CTNNA2: variants seen among roughly 807,000 people sequenced by gnomAD.
CTNNA2 encodes catenin alpha-2.
A neutral mutation model predicts 101.0 loss-of-function variants in CTNNA2; 42 were observed. That is an observed-to-expected ratio of 0.42 (90% CI 0.32 to 0.54). CTNNA2 has a LOEUF of 0.54. CTNNA2 is among the 20% of genes least tolerant of loss of function. The pLI, the probability that CTNNA2 is intolerant of heterozygous loss-of-function variation, is 0.14. For missense variants in CTNNA2, 871 were observed against 1,223.1 expected (o/e 0.71, Z 4.29); for synonymous variants, 450 against 456.4 (o/e 0.99, Z 0.18).
In CTNNA2 at chr2:79,416,265, T is replaced by C. The variant is rs865934883; in HGVS notation, c.-135+42252T>C. Among the ~76,000 whole-genome samples, 385 of 137,444 alleles carry C rather than the reference T, an allele frequency of 2.8e-3. 4 individuals are homozygous for C. Among genetic ancestry groups the C allele is most frequent in the African/African-American group, 8.9e-3 (299 of 33,758 alleles). The allele number at this position is 137,444 out of a possible 152,430, so 90.2% of individuals were successfully genotyped here. On this transcript the variant is annotated intron_variant, in intron 4 of 21. Transcript: ENST00000466387. ...TCTTCTTCTTTCCTTTTCTTTTTTT[T>C]TTTTTTTTTTTTTTTTGGCCAATAA...
chr2:80,461,546 T>G (rs1684426251), intron 9 of CTNNA2, among the ~76,000 whole-genome samples: 1 of 152,208 alleles, frequency 6.6e-6, no homozygotes, highest in African/African-American at 2.4e-5. Flanking sequence ...ATGCCTTAAC[T>G]AGTGTCATTG....
intron 18 of CTNNA2, among the ~76,000 whole-genome samples, chr2:80,639,598 C>T (rs1022366934): frequency 6.6e-5 from 10 of 151,602 alleles, no homozygotes; most frequent in Non-Finnish European, 1.3e-4. Context: ...CCTCTAACAC[C>T]ATCCTTCCTT....
At chr2:80,330,402 C>T (rs564997999) in intron 7 of CTNNA2, among the ~76,000 whole-genome samples, 1 of 152,128 alleles carries the variant, frequency 6.6e-6, no homozygotes, top group Non-Finnish European at 1.5e-5. Flanking sequence ...AGAGATTAAG[C>T]CCTGAGGAGG....
chr2:80,599,438 G>T (rs867268527), intron 15 of CTNNA2, among the ~76,000 whole-genome samples: 19 of 152,264 alleles, frequency 1.2e-4, no homozygotes, highest in Middle Eastern at 3.4e-3. Context: ...TAAAGATATG[G>T]TTATTATTCC....
At chr2:80,118,451 CT>C (rs1389377331) in intron 7 of CTNNA2, among the ~76,000 whole-genome samples, 1 of 152,198 alleles carries the variant, frequency 6.6e-6, no homozygotes, top group African/African-American at 2.4e-5. Flanking sequence ...TGTATTTATG[CT>C]TCCTTAACTT....
chr2:80,066,600 G>A (rs1168652841), intron 7 of CTNNA2, among the ~76,000 whole-genome samples: 1 of 152,094 alleles, frequency 6.6e-6, no homozygotes, highest in Non-Finnish European at 1.5e-5. Flanking sequence ...GTGTTGATGA[G>A]GATTTGGAGA....
At chr2:80,035,061 A>G (rs746051899) in intron 7 of CTNNA2, among the ~76,000 whole-genome samples, 3 of 152,222 alleles carry the variant, frequency 2.0e-5, no homozygotes, top group Non-Finnish European at 4.4e-5. Flanking sequence ...TAAATGAAGT[A>G]TGGTCCATCC....
At position 79,961,540 on chromosome 2, in the gene CTNNA2, C is replaced by T. The variant is rs142013822; in HGVS notation, c.1056+51743C>T. 4.6e-3 allele frequency among the ~76,000 whole-genome samples: 704 copies of T among 152,230 alleles called. 3 individuals are homozygous for T. The highest frequency in any genetic ancestry group is 7.7e-3 in the Non-Finnish European group (527 of 68,012). On this transcript the variant is annotated intron_variant, in intron 7 of 18. Coordinates refer to ENST00000402739, the MANE Select transcript of CTNNA2 (RefSeq NM_001282597.3). ...GGCGAGGTCTACCTTAAAGCTGGCCCGGCCTGGCGTGGTGGCTCACGCCTG... is the reference window on the plus strand; with the variant it reads ...GGCGAGGTCTACCTTAAAGCTGGCCTGGCCTGGCGTGGTGGCTCACGCCTG...
intron 2 of CTNNA2, among the ~76,000 whole-genome samples, chr2:79,728,821 A>G (rs1317227605): frequency 6.6e-6 from 1 of 152,206 alleles, no homozygotes; most frequent in Non-Finnish European, 1.5e-5. Flanking sequence ...AGCACCATAT[A>G]TTAAATAGGG....
chr2:79,842,604 C>T (rs1391855706), intron 3 of CTNNA2, among the ~76,000 whole-genome samples: 1 of 152,166 alleles, frequency 6.6e-6, no homozygotes, highest in Non-Finnish European at 1.5e-5. Flanking sequence ...TTACTAAGAT[C>T]ACCGACTTTC....
intron 7 of CTNNA2, among the ~76,000 whole-genome samples, chr2:80,097,246 T>C (rs1022019937): frequency 6.6e-6 from 1 of 152,212 alleles, no homozygotes; most frequent in Non-Finnish European, 1.5e-5. Context: ...TGAAGTATTT[T>C]ATTTCTCCTT....
rs185995456 is a variant in CTNNA2 at position 80,433,533 on chromosome 2, A to G, written c.1290+13932A>G. 1.1e-3 allele frequency among the ~76,000 whole-genome samples: 169 copies of G among 152,202 alleles called. No homozygotes were observed. The Middle Eastern group carries it at 0.02, about 18-fold the overall frequency. ...TCGCCGCAGGGTCAAAAGTTCAGAC[A>G]AGCAGAACAAGGAAGACTGGAGAGT... On this transcript the variant is annotated intron_variant, in intron 9 of 18. Transcript: ENST00000402739.
chr2:80,104,832 A>G lies in CTNNA2; in HGVS notation c.1056+195035A>G, dbSNP rs573758204. Among the ~76,000 whole-genome samples, 11 of 152,340 alleles carry G rather than the reference A, an allele frequency of 7.2e-5. No homozygotes were observed. In the South Asian group the frequency reaches 2.3e-3, roughly 32 times the overall value. On this transcript the variant is annotated intron_variant, in intron 7 of 18. Coordinates refer to ENST00000402739, the MANE Select transcript of CTNNA2 (RefSeq NM_001282597.3). The stretch of plus-strand genomic sequence containing the variant: ...TGTTTTTAAACCCTTGGGTAGCTAT[A>G]GTCAATTTTTAAACATGTTTCCTCA...
At chr2:79,474,956 G>A (rs746100410) in intron 4 of CTNNA2, among the ~76,000 whole-genome samples, 1 of 152,066 alleles carries the variant, frequency 6.6e-6, no homozygotes, top group Non-Finnish European at 1.5e-5. Context: ...AGCTCTCCAT[G>A]AAGAGTGAGA....
At chr2:79,802,695 T>G (rs534584039) in intron 3 of CTNNA2, among the ~76,000 whole-genome samples, 114 of 152,256 alleles carry the variant, frequency 7.5e-4, no homozygotes, top group Non-Finnish European at 1.3e-3. Flanking sequence ...AAGATTAATA[T>G]TATACATTTG....
intron 7 of CTNNA2, among the ~76,000 whole-genome samples, chr2:79,965,610 G>A (rs999822574): frequency 6.6e-5 from 10 of 151,930 alleles, no homozygotes; most frequent in Non-Finnish European, 1.2e-4. Flanking sequence ...GATCACTTGA[G>A]GTCAGGAGTT....
intron 16 of CTNNA2, chr2:80,605,569 CTA>C (rs1697929757): frequency 6.6e-6 from 1 of 151,728 alleles, no homozygotes; most frequent in Admixed American, 6.6e-5. Flanking sequence ...TCCCTCATTC[CTA>C]TATATAAGGG....
intron 9 of CTNNA2, among the ~76,000 whole-genome samples, chr2:80,438,577 A>G (rs1011271631): frequency 2.6e-5 from 4 of 152,132 alleles, no homozygotes; most frequent in African/African-American, 7.2e-5. Context: ...ATCACTAATT[A>G]TTTTGTTTCT....
chr2:79,745,941 T>C (rs1449127296), intron 3 of CTNNA2, among the ~76,000 whole-genome samples: 1 of 152,166 alleles, frequency 6.6e-6, no homozygotes, highest in Non-Finnish European at 1.5e-5. Flanking sequence ...TACTGGATCA[T>C]ATGATAATTA....
Sources: allele counts gnomAD v4.1 joint callset (sites outside exome capture counted in the v4.1 genomes callset), GRCh38; gene constraint gnomAD v4.1.1; transcripts MANE v1.5; gene names NCBI Gene and HGNC (gene_info 2026-07-23, HGNC 2026-07-21).